The following TTC28 variants were observed in gnomAD, a reference collection of about 807,000 sequenced individuals.
TTC28 encodes tetratricopeptide repeat protein 28.
TTC28 carries 61 observed loss-of-function variants against 198.0 expected under a neutral mutation model. The observed-to-expected ratio is 0.31, with a 90% CI of 0.25 to 0.38. TTC28 has a LOEUF of 0.38. TTC28 is among the 10% of genes least tolerant of loss of function. The pLI is 1.00. For missense variants in TTC28, 2,678 were observed against 3,164.0 expected (o/e 0.85, Z 3.69); for synonymous variants, 1,171 against 1,297.8 (o/e 0.90, Z 2.10).
intron 6 of TTC28, among the ~76,000 whole-genome samples, chr22:28,150,012 T>C (rs756011463): frequency 1.3e-5 from 2 of 152,142 alleles, no homozygotes; most frequent in African/African-American, 2.4e-5. Flanking sequence ...CATAAATATA[T>C]ATACTTTGTC....
intron 3 of TTC28, among the ~76,000 whole-genome samples, chr22:28,302,255 T>C (rs1601600737): frequency 6.6e-6 from 1 of 152,152 alleles, no homozygotes; most frequent in East Asian, 1.9e-4. Flanking sequence ...GTTGAGAATA[T>C]CTGGAGATAA....
intron 2 of TTC28, among the ~76,000 whole-genome samples, chr22:28,585,019 G>T (rs1308493359): frequency 3.9e-5 from 6 of 152,092 alleles, no homozygotes; most frequent in African/African-American, 1.4e-4. Context: ...AGAAAGAAAG[G>T]AAGTGGGGAA....
chr22:28,363,931 G>A (rs1042282112), intron 2 of TTC28, among the ~76,000 whole-genome samples: 7 of 152,210 alleles, frequency 4.6e-5, no homozygotes, highest in Non-Finnish European at 1.0e-4. Context: ...TTACAGGCTC[G>A]TCGGTGGAAG....
intron 5 of TTC28, among the ~76,000 whole-genome samples, chr22:28,210,028 T>C (rs548944805): frequency 6.6e-6 from 1 of 152,214 alleles, no homozygotes; most frequent in African/African-American, 2.4e-5. Context: ...GCAAACAGGG[T>C]CTGCAGTGAA....
intron 1 of TTC28, among the ~76,000 whole-genome samples, chr22:28,676,926 G>A (rs1175748632): frequency 2.0e-5 from 3 of 151,500 alleles, no homozygotes; most frequent in East Asian, 3.9e-4. Context: ...AGCCCGAGGA[G>A]GGTGGATCAT....
intron 2 of TTC28, among the ~76,000 whole-genome samples, chr22:28,457,807 A>G (rs1025718708): frequency 6.6e-6 from 1 of 152,172 alleles, no homozygotes; most frequent in Non-Finnish European, 1.5e-5. Context: ...TAAATTTCAA[A>G]TTAATCATGT....
At chr22:28,054,260 G>A (rs1300799072) in intron 12 of TTC28, among the ~76,000 whole-genome samples, 1 of 152,178 alleles carries the variant, frequency 6.6e-6, no homozygotes, top group African/African-American at 2.4e-5. Context: ...ATTGCTTGAC[G>A]AAATGAGGCT....
intron 5 of TTC28, among the ~76,000 whole-genome samples, chr22:28,258,607 C>T (rs1205219025): frequency 6.6e-6 from 1 of 151,930 alleles, no homozygotes; most frequent in Non-Finnish European, 1.5e-5. Flanking sequence ...CAGAGCATAT[C>T]AGAAATGCCT....
In TTC28 at chr22:28,001,493, C is replaced by T; in HGVS notation, c.4279G>A (p.Gly1427Arg). The T allele has an allele frequency of 6.4e-7, 1 of 1,551,520 alleles. No homozygotes were observed. The highest frequency in any genetic ancestry group is 8.7e-7 in the Non-Finnish European group (1 of 1,146,970). Residue 1427 changes from glycine to arginine, a missense_variant, in exon 15 of 23, where the codon GGG becomes AGG. Gly to Arg is a moderately radical substitution (Grantham distance 125, BLOSUM62 -2). This residue lies in a region of TTC28 where 727 missense variants were observed against 861.9 expected (regional missense o/e 0.84). Coordinates refer to ENST00000397906, the MANE Select transcript of TTC28 (RefSeq NM_001145418.2). ...RHRQLILVLE[G>R]ELYLIPFALL... ...GCGAAAGGAATGAGGTAGAGCTCCC[C>T]CTCCAGAACCAGGATGAGCTGCCGG...
At chr22:28,671,365 G>A (rs1192182705) in intron 1 of TTC28, among the ~76,000 whole-genome samples, 1 of 152,038 alleles carries the variant, frequency 6.6e-6, no homozygotes, top group Non-Finnish European at 1.5e-5. Context: ...GCCGGGCGCG[G>A]TGGCTCACGC....
chr22:28,419,634 AAAAC>A (rs2047218692), intron 2 of TTC28, among the ~76,000 whole-genome samples: 1 of 152,246 alleles, frequency 6.6e-6, no homozygotes, highest in African/African-American at 2.4e-5. Context: ...TCTAAATAAG[AAAAC>A]AAACACCTTT....
intron 2 of TTC28, among the ~76,000 whole-genome samples, chr22:28,535,289 T>C (rs1270956867): frequency 6.6e-6 from 1 of 152,200 alleles, no homozygotes; most frequent in Non-Finnish European, 1.5e-5. Context: ...CAGCTTGATT[T>C]TGACACAAAG....
chr22:28,464,326 G>A (rs1476805594), intron 2 of TTC28, among the ~76,000 whole-genome samples: 1 of 152,188 alleles, frequency 6.6e-6, no homozygotes, highest in Non-Finnish European at 1.5e-5. Flanking sequence ...AAAGTATGCA[G>A]ACAGTTATGG....
At chr22:28,290,338 A>T (rs1231060537) in intron 5 of TTC28, among the ~76,000 whole-genome samples, 1 of 152,206 alleles carries the variant, frequency 6.6e-6, no homozygotes. Flanking sequence ...GACTGAACTT[A>T]TAAAAAACTT....
At chr22:28,381,145 A>T (rs2146024724) in intron 2 of TTC28, among the ~76,000 whole-genome samples, 1 of 152,012 alleles carries the variant, frequency 6.6e-6, no homozygotes, top group East Asian at 1.9e-4. Context: ...AAAAAAAAAA[A>T]AAAGAAAAGA....
chr22:28,015,419 TAAAA>T (rs138678), intron 13 of TTC28, among the ~76,000 whole-genome samples: 41 of 109,680 alleles, frequency 3.7e-4, no homozygotes, highest in African/African-American at 1.2e-3. Context: ...GAGATAGCTT[TAAAA>T]AAAAAAAAAA....
At chr22:28,135,731 G>C (rs2146973814) in intron 6 of TTC28, among the ~76,000 whole-genome samples, 1 of 152,338 alleles carries the variant, frequency 6.6e-6, no homozygotes, top group East Asian at 1.9e-4. Context: ...GTGAAGCCAA[G>C]TTGGAAAGTG....
rs73882765 is a variant in TTC28 at position 28,477,053 on chromosome 22, G to T, written c.381+152499C>A. On this transcript the variant is annotated intron_variant, in intron 2 of 22. Transcript: ENST00000397906. Reference sequence around the variant, plus strand: ...TATAATTCCACTATATAAAGTTCTGGAACAGGCATAACTAATTTATATTTG... The same window carrying T: ...TATAATTCCACTATATAAAGTTCTGTAACAGGCATAACTAATTTATATTTG... Among the ~76,000 whole-genome samples, 626 of 152,234 alleles carry T rather than the reference G, an allele frequency of 4.1e-3. 4 individuals carry two copies. The highest frequency in any genetic ancestry group is 0.015 in the African/African-American group (604 of 41,544).
rs535011414 is a variant in TTC28, at chr22:28,095,708, G to A, written c.3766+482C>T. Among the ~76,000 whole-genome samples the A allele has an allele frequency of 4.6e-5, 7 of 152,254 alleles. 1 individual carries two copies. The South Asian group carries it at 1.5e-3, about 32-fold the overall frequency. On this transcript the variant is annotated intron_variant, in intron 11 of 22. Transcript: ENST00000397906. Reference sequence around the variant, plus strand: ...CTGAAATAGATTTACAGCAGAACTGGTTAAAAATGGGTTCTGTTAAACTCA... The same window carrying A: ...CTGAAATAGATTTACAGCAGAACTGATTAAAAATGGGTTCTGTTAAACTCA...
Sources: gnomAD v4.1 joint callset for allele counts (sites outside exome capture counted in the v4.1 genomes callset) on GRCh38, gnomAD v4.1.1 for gene constraint, gnomAD v4.1.1 regional missense constraint, MANE v1.5 for transcripts, NCBI Gene and HGNC (gene_info 2026-07-23, HGNC 2026-07-21) for gene names.